Variants in ABTB3 observed in about 807,000 individuals in gnomAD.
ABTB3 encodes ankyrin repeat- and BTB/POZ domain-containing protein 3.
chr12:107,595,849 C>A, the ABTB3 span, among the ~76,000 whole-genome samples: 1 of 151,864 alleles, frequency 6.6e-6, no homozygotes, highest in African/African-American at 2.4e-5. Context: ...TATGTATGCA[C>A]ATATATTTAT....
chr12:107,560,526 G>A, the ABTB3 span, among the ~76,000 whole-genome samples: 1 of 152,174 alleles, frequency 6.6e-6, no homozygotes, highest in Non-Finnish European at 1.5e-5. Context: ...GAATCTCTTG[G>A]AGTGAGCACT....
chr12:107,584,822 A>G, the ABTB3 span, among the ~76,000 whole-genome samples: 2 of 152,216 alleles, frequency 1.3e-5, no homozygotes, highest in Non-Finnish European at 1.5e-5. Flanking sequence ...TTATGCAGCT[A>G]TGGGAAGGTC....
chr12:107,583,150 A>C, the ABTB3 span, among the ~76,000 whole-genome samples: 1 of 152,322 alleles, frequency 6.6e-6, no homozygotes, highest in South Asian at 2.1e-4. Context: ...AGCTCTGCTT[A>C]GAGGTTGGTG....
At chr12:107,542,163 T>A in the ABTB3 span, among the ~76,000 whole-genome samples, 1 of 151,878 alleles carries the variant, frequency 6.6e-6, no homozygotes, top group East Asian at 1.9e-4. Flanking sequence ...TACAAAAAAA[T>A]TAGCTGGGAG....
At chr12:107,451,473 G>A in the ABTB3 span, among the ~76,000 whole-genome samples, 1 of 152,138 alleles carries the variant, frequency 6.6e-6, no homozygotes. Context: ...TCTTCACCTG[G>A]TCCCCTCTAA....
chr12:107,490,889 A>G, the ABTB3 span, among the ~76,000 whole-genome samples: 1 of 152,102 alleles, frequency 6.6e-6, no homozygotes, highest in African/African-American at 2.4e-5. Flanking sequence ...AGTCTTCACA[A>G]CCATCCTGAG....
At chr12:107,480,647 G>T in the ABTB3 span, among the ~76,000 whole-genome samples, 3 of 152,300 alleles carry the variant, frequency 2.0e-5, no homozygotes, top group South Asian at 2.1e-4. Context: ...ACTCTGAAGG[G>T]TCGTGGCTCT....
the ABTB3 span, among the ~76,000 whole-genome samples, chr12:107,373,146 T>C: frequency 6.6e-6 from 1 of 152,318 alleles, no homozygotes; most frequent in East Asian, 1.9e-4. Flanking sequence ...TAGAACAACA[T>C]TGGCACCTAG....
the ABTB3 span, among the ~76,000 whole-genome samples, chr12:107,462,270 CT>C: frequency 1.3e-5 from 2 of 152,116 alleles, no homozygotes; most frequent in African/African-American, 4.8e-5. Flanking sequence ...TTGAGTGTAG[CT>C]TTTGGCTTTG....
the ABTB3 span, among the ~76,000 whole-genome samples, chr12:107,325,689 G>A: frequency 6.6e-6 from 1 of 152,166 alleles, no homozygotes; most frequent in African/African-American, 2.4e-5. Flanking sequence ...TTGTGACCTT[G>A]AGCCAGGCAC....
the ABTB3 span, among the ~76,000 whole-genome samples, chr12:107,354,304 G>A: frequency 6.6e-6 from 1 of 152,144 alleles, no homozygotes; most frequent in South Asian, 2.1e-4. Flanking sequence ...TATTCAGAGA[G>A]TTGTACAACC....
chr12:107,625,221 T>C, the ABTB3 span, among the ~76,000 whole-genome samples: 1 of 152,250 alleles, frequency 6.6e-6, no homozygotes, highest in East Asian at 1.9e-4. Context: ...TCTTTATGTA[T>C]AGTAGATACT....
At chr12:107,348,307 A>T in the ABTB3 span, among the ~76,000 whole-genome samples, 1 of 152,162 alleles carries the variant, frequency 6.6e-6, no homozygotes, top group Non-Finnish European at 1.5e-5. Context: ...GCACACACAC[A>T]CACATACATA....
At chr12:107,343,584 T>C in the ABTB3 span, among the ~76,000 whole-genome samples, 6 of 152,196 alleles carry the variant, frequency 3.9e-5, no homozygotes, top group Admixed American at 1.3e-4. Flanking sequence ...TTTTCTCTTT[T>C]ACAACAGTCC....
chr12:107,553,348 C>T, the ABTB3 span, among the ~76,000 whole-genome samples: 1 of 152,198 alleles, frequency 6.6e-6, no homozygotes, highest in Admixed American at 6.5e-5. Flanking sequence ...GATAGCCTTA[C>T]CTCTTCCCAT....
the ABTB3 span, among the ~76,000 whole-genome samples, chr12:107,438,898 C>T: frequency 6.6e-6 from 1 of 152,166 alleles, no homozygotes; most frequent in Non-Finnish European, 1.5e-5. Context: ...AATTACATGA[C>T]CATTCAAAAA....
At chr12:107,560,899 A>T in the ABTB3 span, among the ~76,000 whole-genome samples, 3 of 152,180 alleles carry the variant, frequency 2.0e-5, no homozygotes, top group Non-Finnish European at 4.4e-5. Flanking sequence ...CTAATTCTGG[A>T]TTTTAAAATG....
the ABTB3 span, among the ~76,000 whole-genome samples, chr12:107,570,912 G>A: frequency 6.6e-6 from 1 of 152,132 alleles, no homozygotes; most frequent in Non-Finnish European, 1.5e-5. Flanking sequence ...GTTAGCCTCT[G>A]CCTGGAAATG....
At chr12:107,408,172 C>T in the ABTB3 span, among the ~76,000 whole-genome samples, 1 of 152,090 alleles carries the variant, frequency 6.6e-6, no homozygotes, top group East Asian at 1.9e-4. Flanking sequence ...CTCTGTGTGG[C>T]CGAGATTTTC....
Sources: gnomAD v4.1 joint callset for allele counts (sites outside exome capture counted in the v4.1 genomes callset) on GRCh38, gnomAD v4.1.1 for gene constraint, MANE v1.5 for transcripts, NCBI Gene and HGNC (gene_info 2026-07-23, HGNC 2026-07-21) for gene names.